Variants in SPPL2A observed in about 807,000 individuals in gnomAD.
SPPL2A encodes the protein signal peptide peptidase-like 2A.
A neutral mutation model predicts 63.8 loss-of-function variants in SPPL2A; 51 were observed. The ratio of observed to expected loss-of-function variants is 0.80; its 90% CI spans 0.64 to 1.01. SPPL2A has a LOEUF of 1.01. Ranked by LOEUF, SPPL2A falls within the 50% of genes least tolerant of loss-of-function variation. The pLI, the probability that SPPL2A is intolerant of heterozygous loss-of-function variation, is 0.00. For synonymous variants in SPPL2A, 188 were observed against 205.8 expected, an observed-to-expected ratio of 0.91 and a Z score of 0.74; for missense variants, 553 against 622.7, an observed-to-expected ratio of 0.89 and a Z score of 1.19.
intron 14 of SPPL2A, among the ~76,000 whole-genome samples, chr15:50,716,875 T>G (rs2062602887): frequency 6.6e-6 from 1 of 152,220 alleles, no homozygotes; most frequent in Non-Finnish European, 1.5e-5. Context: ...GTCTGTCTCT[T>G]GCACATCAGA....
intron 5 of SPPL2A, among the ~76,000 whole-genome samples, chr15:50,740,907 C>T (rs529036165): frequency 8.5e-5 from 13 of 152,202 alleles, no homozygotes; most frequent in East Asian, 1.9e-4. Flanking sequence ...CGCACCCAGC[C>T]GCTTCTCTTA....
Position 50,765,557 on chromosome 15 carries a change from A to G in SPPL2A, c.-24T>C. ...ATCGGACTGGTGGGTGCCGGGTGGG[A>G]CGGCACGGTGCGGCGCAGCTCACTC... On this transcript the variant is annotated 5_prime_UTR_variant, in exon 1 of 15. Coordinates refer to ENST00000261854, the MANE Select transcript of SPPL2A (RefSeq NM_032802.4). 1 of 1,460,468 alleles carries G rather than the reference A, an allele frequency of 6.8e-7. No homozygotes were observed. Among genetic ancestry groups the G allele is most frequent in the Non-Finnish European group, 9.0e-7 (1 of 1,111,644 alleles). The allele number at this position is 1,460,468 out of a possible 1,614,324, so 90.5% of individuals were successfully genotyped here.
chr15:50,728,071 GT>G (rs2062699993), intron 10 of SPPL2A, among the ~76,000 whole-genome samples: 1 of 152,198 alleles, frequency 6.6e-6, no homozygotes, highest in African/African-American at 2.4e-5. Flanking sequence ...AATGCAAACA[GT>G]TTGCTGGGGC....
intron 8 of SPPL2A, among the ~76,000 whole-genome samples, chr15:50,733,462 A>C (rs80094612): frequency 0.15 from 22,112 of 152,188 alleles, 2,228 homozygotes; most frequent in Non-Finnish European, 0.22. Context: ...AGCATACTCT[A>C]TATATTTTTT....
At chr15:50,720,346 T>C (rs2062635220) in intron 13 of SPPL2A, among the ~76,000 whole-genome samples, 1 of 152,078 alleles carries the variant, frequency 6.6e-6, no homozygotes, top group Non-Finnish European at 1.5e-5. Context: ...TAAGAGATAA[T>C]AATTCATGAG....
chr15:50,764,222 A>C (rs538084225), intron 1 of SPPL2A, among the ~76,000 whole-genome samples: 1 of 152,372 alleles, frequency 6.6e-6, no homozygotes, highest in East Asian at 1.9e-4. Flanking sequence ...TTTTATATCT[A>C]GGTTATAGTT....
At chr15:50,763,681 G>T (rs1313551829) in intron 1 of SPPL2A, among the ~76,000 whole-genome samples, 3 of 152,048 alleles carry the variant, frequency 2.0e-5, no homozygotes, top group Non-Finnish European at 1.5e-5. Flanking sequence ...GGTGGATCAC[G>T]AGGTCAGGAG....
chr15:50,761,245 A>G (rs1212909992), intron 1 of SPPL2A, among the ~76,000 whole-genome samples: 2 of 152,160 alleles, frequency 1.3e-5, no homozygotes, highest in Non-Finnish European at 2.9e-5. Flanking sequence ...CCTAGCCTCA[A>G]GCAATCCTCC....
At position 50,722,112 on chromosome 15, in the gene SPPL2A, AC is replaced by A; in HGVS notation, c.1327+11del. The stretch of plus-strand genomic sequence containing the variant: ...AATTCAACATTTAATACAAAGAAAA[AC>A]AAAAATTTACCAACTGTAGACGAAA... On this transcript the variant is annotated intron_variant, in intron 13 of 14. Coordinates refer to ENST00000261854, the MANE Select transcript of SPPL2A (RefSeq NM_032802.4). 3.4e-6 allele frequency: 5 copies of A among 1,458,996 alleles called. No homozygotes were observed. The highest frequency in any genetic ancestry group is 4.8e-6 in the Non-Finnish European group (5 of 1,043,876). The allele number at this position is 1,458,996 out of a possible 1,614,324, so 90.4% of individuals were successfully genotyped here.
At chr15:50,754,055 C>T (rs1307720918) in intron 1 of SPPL2A, among the ~76,000 whole-genome samples, 1 of 152,194 alleles carries the variant, frequency 6.6e-6, no homozygotes, top group Non-Finnish European at 1.5e-5. Flanking sequence ...TCTCAGCCTC[C>T]CAAAGTGCTG....
At position 50,725,371 on chromosome 15, in the gene SPPL2A, A is replaced by T. The variant is rs770251586; in HGVS notation, c.1147-48T>A. The T allele has an allele frequency of 2.4e-5, 24 of 1,009,966 alleles. No homozygotes were observed. The Admixed American group carries it at 5.3e-4, about 22-fold the overall frequency. 62.6% of individuals were successfully genotyped at this position (1,009,966 alleles called of 1,614,324 possible). On this transcript the variant is annotated intron_variant, in intron 11 of 14. Coordinates refer to ENST00000261854, the MANE Select transcript of SPPL2A (RefSeq NM_032802.4). ...AAAACAAAACAAAACAAAAAACAAA[A>T]CAGAGGCCGCCAATGAACTTCTTGG...
chr15:50,731,385 A>G (rs1043510352), intron 9 of SPPL2A, among the ~76,000 whole-genome samples: 20 of 151,904 alleles, frequency 1.3e-4, no homozygotes, highest in Non-Finnish European at 2.9e-4. Flanking sequence ...GTCTCTACTA[A>G]GACTACAAAA....
chr15:50,708,014 G>A lies in SPPL2A; in HGVS notation c.1489-140C>T, dbSNP rs144540362. On this transcript the variant is annotated intron_variant, in intron 14 of 14. Transcript: ENST00000261854. ...GCACTCCTTCTGGAGCACTGTTCTG[G>A]TTCAACATCCACACTTCTAAGGAGA... The A allele has an allele frequency of 1.1e-5, 7 of 625,794 alleles. No homozygotes were observed. In the East Asian group the frequency reaches 1.9e-4, roughly 17 times the overall value. The allele number at this position is 625,794 out of a possible 1,614,324, so 38.8% of individuals were successfully genotyped here. A position where few individuals can be genotyped will look rare whatever the true frequency, so the allele number is the denominator to read the frequency against.
At chr15:50,737,478 A>C (rs1347357085) in intron 6 of SPPL2A, among the ~76,000 whole-genome samples, 2 of 151,950 alleles carry the variant, frequency 1.3e-5, no homozygotes, top group African/African-American at 4.8e-5. Context: ...TTTGAGATGG[A>C]GTCTCACTGT....
chr15:50,708,887 A>G (rs78185489), intron 14 of SPPL2A, among the ~76,000 whole-genome samples: 1 of 151,472 alleles, frequency 6.6e-6, no homozygotes, highest in Non-Finnish European at 1.5e-5. Flanking sequence ...ACAAAAAAAA[A>G]TTAGCCAGGC....
chr15:50,712,840 C>A (rs1275317691), intron 14 of SPPL2A, among the ~76,000 whole-genome samples: 1 of 151,994 alleles, frequency 6.6e-6, no homozygotes, highest in African/African-American at 2.4e-5. Context: ...CGCCTGCCAC[C>A]ACACCTGGCT....
At chr15:50,757,802 G>A (rs1032240665) in intron 1 of SPPL2A, among the ~76,000 whole-genome samples, 4 of 151,926 alleles carry the variant, frequency 2.6e-5, no homozygotes, top group Non-Finnish European at 5.9e-5. Flanking sequence ...TGTACAACAT[G>A]GCGAAACCCC....
intron 14 of SPPL2A, among the ~76,000 whole-genome samples, chr15:50,718,154 T>TTTTTGTATTTTTTAGTA (rs2062614077): frequency 6.6e-6 from 1 of 151,820 alleles, no homozygotes; most frequent in Non-Finnish European, 1.5e-5. Flanking sequence ...TTTTTTGTAT[T>TTTTTGTATTTTTTAGTA]TTTTAGTGGA....
intron 13 of SPPL2A, 45 bp downstream of exon 13, chr15:50,722,079 G>C (rs1232840249): frequency 4.8e-6 from 5 of 1,039,794 alleles, no homozygotes; most frequent in Admixed American, 1.7e-5. Flanking sequence ...TTTTCCTCCA[G>C]ACAATACAAT....
Sources: allele counts gnomAD v4.1 joint callset (sites outside exome capture counted in the v4.1 genomes callset), GRCh38; gene constraint gnomAD v4.1.1; transcripts MANE v1.5; gene names NCBI Gene and HGNC (gene_info 2026-07-23, HGNC 2026-07-21).